The following FOXN3 variants were observed in gnomAD, a reference collection of about 807,000 sequenced individuals.
FOXN3 encodes the protein forkhead box protein N3.
A neutral mutation model predicts 38.4 loss-of-function variants in FOXN3; 7 were observed. That is an observed-to-expected ratio of 0.18 (90% CI 0.10 to 0.34). The LOEUF (loss-of-function observed/expected upper bound fraction) is 0.34. FOXN3 is among the 10% of genes least tolerant of loss of function. The probability of loss-of-function intolerance (pLI) is 1.00; values close to 1 mark genes in which losing one functional copy is unlikely to be tolerated. For missense variants in FOXN3, 456 were observed against 613.4 expected (o/e 0.74, Z 2.71); for synonymous variants, 230 against 242.2 (o/e 0.95, Z 0.47).
At chr14:89,319,090 T>C (rs942922057) in intron 3 of FOXN3, among the ~76,000 whole-genome samples, 4 of 152,080 alleles carry the variant, frequency 2.6e-5, no homozygotes, top group African/African-American at 7.2e-5. Context: ...AAGGGAAGAA[T>C]CAAAGACAAT....
At chr14:89,392,272 A>G (rs190816939) in intron 2 of FOXN3, among the ~76,000 whole-genome samples, 8 of 152,292 alleles carry the variant, frequency 5.3e-5, no homozygotes, top group African/African-American at 1.9e-4. Flanking sequence ...ACACAATCCC[A>G]CTGCATATTC....
intron 1 of FOXN3, among the ~76,000 whole-genome samples, chr14:89,519,938 A>G (rs1169088735): frequency 6.6e-6 from 1 of 152,232 alleles, no homozygotes; most frequent in African/African-American, 2.4e-5. Flanking sequence ...AGCAAAAGCT[A>G]TAAAAGAATC....
At chr14:89,220,870 C>A (rs766032544) in intron 4 of FOXN3, among the ~76,000 whole-genome samples, 4 of 152,000 alleles carry the variant, frequency 2.6e-5, no homozygotes, top group African/African-American at 4.8e-5. Context: ...CACAGGCTAA[C>A]GTGATAGAAC....
intron 3 of FOXN3, among the ~76,000 whole-genome samples, chr14:89,337,844 G>A (rs971580847): frequency 6.6e-6 from 1 of 152,108 alleles, no homozygotes; most frequent in African/African-American, 2.4e-5. Flanking sequence ...TGGCCAGGCT[G>A]GTCTTGAACT....
At chr14:89,372,324 T>A (rs1325636102) in intron 2 of FOXN3, among the ~76,000 whole-genome samples, 1 of 152,176 alleles carries the variant, frequency 6.6e-6, no homozygotes, top group Non-Finnish European at 1.5e-5. Context: ...GATTACAGTA[T>A]TAGAAAAGTA....
chr14:89,489,096 GA>G (rs1202650583), intron 1 of FOXN3, among the ~76,000 whole-genome samples: 1 of 152,184 alleles, frequency 6.6e-6, no homozygotes. Flanking sequence ...GGATTGAAAT[GA>G]AGCCGGATTC....
intron 2 of FOXN3, among the ~76,000 whole-genome samples, chr14:89,360,222 A>G (rs1029163582): frequency 6.6e-6 from 1 of 151,896 alleles, no homozygotes; most frequent in Non-Finnish European, 1.5e-5. Flanking sequence ...CTCTGGCTCA[A>G]CTCCTCAGGG....
At chr14:89,263,143 G>A (rs887483713) in intron 4 of FOXN3, among the ~76,000 whole-genome samples, 18 of 152,182 alleles carry the variant, frequency 1.2e-4, no homozygotes, top group African/African-American at 4.3e-4. Context: ...TTACTTCACC[G>A]ACATATTTAA....
intron 1 of FOXN3, among the ~76,000 whole-genome samples, chr14:89,590,766 A>G (rs1390418500): frequency 1.1e-4 from 17 of 152,142 alleles, no homozygotes; most frequent in Admixed American, 6.5e-5. Flanking sequence ...AAACCTAGAA[A>G]TACATCTCTA....
At chr14:89,410,135 A>C (rs1596258368) in intron 2 of FOXN3, among the ~76,000 whole-genome samples, 1 of 145,208 alleles carries the variant, frequency 6.9e-6, no homozygotes, top group Non-Finnish European at 1.5e-5. Flanking sequence ...AAACCGAGTG[A>C]AGAGCATTTG....
chr14:89,311,554 C>A (rs972491120), intron 3 of FOXN3, among the ~76,000 whole-genome samples: 3 of 150,382 alleles, frequency 2.0e-5, no homozygotes, highest in South Asian at 2.1e-4. Context: ...TGGCCGGGTG[C>A]AGTGGCTCAT....
intron 4 of FOXN3, among the ~76,000 whole-genome samples, chr14:89,272,037 C>T (rs12435135): frequency 0.47 from 72,210 of 152,150 alleles, 17,442 homozygotes; most frequent in East Asian, 0.65. Flanking sequence ...AGGCCAGGTG[C>T]AGTGGCTCAT....
chr14:89,387,938 T>C (rs144319496), intron 2 of FOXN3, among the ~76,000 whole-genome samples: 71 of 152,334 alleles, frequency 4.7e-4, no homozygotes, highest in Non-Finnish European at 6.3e-4. Context: ...ATCCCAGCAC[T>C]TGGGGCAGCC....
At chr14:89,541,645 AT>A (rs1275998853) in intron 1 of FOXN3, among the ~76,000 whole-genome samples, 1 of 152,118 alleles carries the variant, frequency 6.6e-6, no homozygotes, top group Non-Finnish European at 1.5e-5. Flanking sequence ...CCATTCTTTT[AT>A]TCCTTTACTT....
intron 1 of FOXN3, chr14:89,486,683 C>A (rs1300034364): frequency 1.3e-5 from 2 of 152,064 alleles, no homozygotes; most frequent in Admixed American, 1.3e-4. Context: ...TGGAGAGGAG[C>A]AGTAGGAAGT....
rs979974459 is a variant in FOXN3, at chr14:89,505,323, G to C, written c.-14-92833C>G. Among the ~76,000 whole-genome samples the C allele has an allele frequency of 4.0e-3, 513 of 126,812 alleles. 5 individuals carry two copies. The highest frequency in any genetic ancestry group is 0.014 in the African/African-American group (480 of 34,410). 83.2% of individuals were successfully genotyped at this position (126,812 alleles called of 152,430 possible). On this transcript the variant is annotated intron_variant, in intron 1 of 6. Coordinates refer to the FOXN3 transcript ENST00000345097. ...CTCCCCACGGTCTCCCTCTGATGCC[G>C]AGCCGAGGCTGGACTGTGCTGCTGC...
chr14:89,471,018 A>G (rs1447910695), intron 1 of FOXN3, among the ~76,000 whole-genome samples: 1 of 152,338 alleles, frequency 6.6e-6, no homozygotes, highest in South Asian at 2.1e-4. Flanking sequence ...ATCCACAGTG[A>G]ACATGTAGGA....
chr14:89,481,560 T>G (rs1044548470), intron 1 of FOXN3, among the ~76,000 whole-genome samples: 4 of 151,580 alleles, frequency 2.6e-5, no homozygotes, highest in Non-Finnish European at 5.9e-5. Flanking sequence ...AAACGAGGAG[T>G]GAGGCAGCCC....
chr14:89,505,135 T>G, intron 1 of FOXN3, among the ~76,000 whole-genome samples: 1 of 152,220 alleles, frequency 6.6e-6, no homozygotes, highest in South Asian at 2.1e-4. Context: ...CAGCCTAAAC[T>G]AGATCAGAGA....
Sources: allele counts gnomAD v4.1 joint callset (sites outside exome capture counted in the v4.1 genomes callset), GRCh38; gene constraint gnomAD v4.1.1; transcripts MANE v1.5; gene names NCBI Gene and HGNC (gene_info 2026-07-23, HGNC 2026-07-21).